PLA2G6: variants seen among roughly 807,000 people sequenced by gnomAD.
PLA2G6 encodes 85/88 kDa calcium-independent phospholipase A2.
PLA2G6 carries 62 observed loss-of-function variants against 83.8 expected under a neutral mutation model. The observed-to-expected ratio is 0.74, with a 90% CI of 0.60 to 0.91. PLA2G6 has a LOEUF of 0.91. PLA2G6 is among the 40% of genes least tolerant of loss of function. The pLI is 0.00. For synonymous variants in PLA2G6, 417 were observed against 449.8 expected (o/e 0.93, Z 0.92); for missense variants, 944 against 1,102.0 (o/e 0.86, Z 2.03).
intron 8 of PLA2G6, among the ~76,000 whole-genome samples, chr22:38,129,209 G>T (rs1327041223): frequency 3.3e-5 from 5 of 152,240 alleles, no homozygotes; most frequent in African/African-American, 1.2e-4. Flanking sequence ...TCCCTGAGGT[G>T]GGGGGCGCTG....
intron 4 of PLA2G6, chr22:38,142,600 A>C (rs529493435): frequency 6.7e-4 from 144 of 213,944 alleles, no homozygotes; most frequent in African/African-American, 3.1e-3. Context: ...GAACGCTAAC[A>C]ACAGCTGATC....
intron 2 of PLA2G6, chr22:38,148,263 C>A: frequency 2.1e-6 from 1 of 469,912 alleles, no homozygotes; most frequent in Non-Finnish European, 3.8e-6. Context: ...AGGAGTTTTG[C>A]TGTGGTGAGG....
chr22:38,164,807 C>T (rs565544987), intron 2 of PLA2G6, among the ~76,000 whole-genome samples: 1 of 152,258 alleles, frequency 6.6e-6, no homozygotes, highest in African/African-American at 2.4e-5. Context: ...GGAGGAAGAT[C>T]GTTTAGAAGG....
At chr22:38,131,726 C>G (rs998010212) in intron 7 of PLA2G6, 15 of 159,648 alleles carry the variant, frequency 9.4e-5, no homozygotes, top group African/African-American at 3.1e-4. Flanking sequence ...TTTAGAGTCC[C>G]GGGGGTCTCT....
chr22:38,149,926 C>T (rs1186540524), intron 2 of PLA2G6: 5 of 150,992 alleles, frequency 3.3e-5, no homozygotes, highest in Non-Finnish European at 7.4e-5. Flanking sequence ...AAGAGTGAAA[C>T]TCCATCTCTG....
At chr22:38,173,505 ACCAATTTT>A (rs2090514819) in intron 1 of PLA2G6, among the ~76,000 whole-genome samples, 1 of 152,044 alleles carries the variant, frequency 6.6e-6, no homozygotes, top group Non-Finnish European at 1.5e-5. Context: ...ATTTCCAGGT[ACCAATTTT>A]GGTGCCCCTG....
In PLA2G6 at chr22:38,112,814, T is replaced by C. The variant is rs1298522836; in HGVS notation, c.2203-237A>G. 4 of 596,054 alleles carry C rather than the reference T, an allele frequency of 6.7e-6. No homozygotes were observed. The East Asian group carries it at 1.1e-4, about 17-fold the overall frequency. 36.9% of individuals were successfully genotyped at this position (596,054 alleles called of 1,614,324 possible). A position where few individuals can be genotyped will look rare whatever the true frequency, so the allele number is the denominator to read the frequency against. On this transcript the variant is annotated intron_variant, in intron 15 of 16. Transcript: ENST00000332509. ...CTCAGCAGTGCCCTTTCAGGGATGATGAGTGGGGGAAAGGGTAGCGGCTGA... is the reference window on the plus strand; with the variant it reads ...CTCAGCAGTGCCCTTTCAGGGATGACGAGTGGGGGAAAGGGTAGCGGCTGA...
chr22:38,129,306 T>C, intron 8 of PLA2G6, 148 bp downstream of exon 8: 1 of 691,724 alleles, frequency 1.4e-6, no homozygotes. Flanking sequence ...GGAAGCCCCC[T>C]CTCTGAGTAC....
In PLA2G6 at chr22:38,123,350, G is replaced by T; in HGVS notation, c.1428-92C>A. ...CATAGCCCTTGTCCCCTGCAGCTGT[G>T]TCCTGGCAGACAGACCCAGACGGAC... is the stretch of plus-strand genomic sequence containing the variant. On this transcript the variant is annotated intron_variant, in intron 10 of 16. Coordinates refer to ENST00000332509, the MANE Select transcript of PLA2G6 (RefSeq NM_003560.4). This position sits in a 1 kb window ranked among gnomAD's most constrained non-coding sequence, Gnocchi z 4.1. The T allele has an allele frequency of 2.2e-6, 3 of 1,365,298 alleles. No individual in the cohort carries two copies. The highest frequency in any genetic ancestry group is 3.0e-6 in the Non-Finnish European group (3 of 984,406). 84.6% of individuals were successfully genotyped at this position (1,365,298 alleles called of 1,614,324 possible).
chr22:38,148,170 G>C, intron 2 of PLA2G6: 1 of 301,020 alleles, frequency 3.3e-6, no homozygotes, highest in Non-Finnish European at 6.4e-6. Flanking sequence ...ACTTTTAGTG[G>C]AATGGAGGGA....
Position 38,112,501 on chromosome 22 carries a change from C to T in PLA2G6, c.2276+3G>A. ...CCAAGGGCTGGGGCGGCTGAGCCCT[C>T]ACCTGAAGTACTGGATGCCGACCAT... On this transcript the variant is annotated splice_donor_region_variant and intron_variant, in intron 16 of 16. Coordinates refer to ENST00000332509, the MANE Select transcript of PLA2G6 (RefSeq NM_003560.4). 1.3e-6 allele frequency: 2 copies of T among 1,553,944 alleles called. No individual in the cohort carries two copies. Among genetic ancestry groups the T allele is most frequent in the Non-Finnish European group, 1.7e-6 (2 of 1,149,742 alleles).
intron 2 of PLA2G6, among the ~76,000 whole-genome samples, chr22:38,155,668 A>C (rs1195304259): frequency 6.6e-6 from 1 of 152,240 alleles, no homozygotes; most frequent in Non-Finnish European, 1.5e-5. Flanking sequence ...CAAATCAAAA[A>C]ACATACAGCA....
rs1336058144 is a variant in PLA2G6 at position 38,123,077 on chromosome 22, C to T, written c.1591+18G>A. ...GGTCTCAGCCCCGCCTGGCCCCATC[C>T]CCAGGGGCCGCCCTCACTGTGCAGA... is the stretch of plus-strand genomic sequence containing the variant. On this transcript the variant is annotated intron_variant, in intron 11 of 16. Transcript: ENST00000332509. This position sits in a 1 kb window ranked among gnomAD's most constrained non-coding sequence, Gnocchi z 4.1. The T allele has an allele frequency of 3.9e-6, 6 of 1,546,430 alleles. No homozygotes were observed. In the Middle Eastern group the frequency reaches 6.9e-4, roughly 177 times the overall value.
At chr22:38,164,345 C>A (rs1030696344) in intron 2 of PLA2G6, among the ~76,000 whole-genome samples, 4 of 152,194 alleles carry the variant, frequency 2.6e-5, no homozygotes, top group Admixed American at 1.3e-4. Flanking sequence ...TCTGAATAAT[C>A]GCTACGCTGA....
chr22:38,116,092 G>A lies in PLA2G6; in HGVS notation c.1862C>T (p.Pro621Leu). The A allele has an allele frequency of 6.2e-7, 1 of 1,614,088 alleles. No homozygotes were observed. Among genetic ancestry groups the A allele is most frequent in the Non-Finnish European group, 8.5e-7 (1 of 1,179,990 alleles). ...PRFNQNVNLR[P>L]PAQPSDQLVW... ...GTTTAAACCTGAGGGCTGAGCTGGAGGCCTGAGGTTAACGTTCTGGTTGAA... is the reference window on the plus strand; with the variant it reads ...GTTTAAACCTGAGGGCTGAGCTGGAAGCCTGAGGTTAACGTTCTGGTTGAA... The change falls in exon 13 of 17, where the codon CCT becomes CTT. Residue 621 changes from proline (P) to leucine (L), a missense_variant. Transcript: ENST00000332509.
chr22:38,140,136 G>T lies in PLA2G6; in HGVS notation c.643C>A (p.Gln215Lys). The T allele has an allele frequency of 6.2e-7, 1 of 1,614,122 alleles. No individual in the cohort carries two copies. The highest frequency in any genetic ancestry group is 8.5e-7 in the Non-Finnish European group (1 of 1,180,026). Residue 215 changes from glutamine to lysine, a missense_variant, in exon 5 of 17, where the codon CAG becomes AAG. Coordinates refer to ENST00000332509, the MANE Select transcript of PLA2G6 (RefSeq NM_003560.4). ...GGGGTCAGCCCTTGGTTATTCACCT[G>T]GTTCAGGCCAGCCACTGCGTTCCTT... ...LGRNAVAGLNQVNNQGLTPLH... is the reference protein window; with the variant it reads ...LGRNAVAGLNKVNNQGLTPLH...
At chr22:38,179,673 C>T (rs2090770491) in intron 1 of PLA2G6, among the ~76,000 whole-genome samples, 1 of 152,218 alleles carries the variant, frequency 6.6e-6, no homozygotes, top group African/African-American at 2.4e-5. Flanking sequence ...ATCCCAGCTA[C>T]TTGGGAGGCT....
At chr22:38,137,120 G>A (rs948276753) in intron 5 of PLA2G6, 5 of 152,268 alleles carry the variant, frequency 3.3e-5, no homozygotes, top group Non-Finnish European at 7.3e-5. Context: ...CCGGTGGCTG[G>A]GACAGCGTTA....
At chr22:38,145,691 G>A (rs1207201748) in intron 2 of PLA2G6, 38 bp from the exon 3 acceptor site, 1 of 1,447,220 alleles carries the variant, frequency 6.9e-7, no homozygotes, top group Non-Finnish European at 9.6e-7. Flanking sequence ...CCCGAAATGA[G>A]TAAGGCGGGA....
Sources: gnomAD v4.1 joint callset for allele counts (sites outside exome capture counted in the v4.1 genomes callset) on GRCh38, gnomAD v4.1.1 for gene constraint, Gnocchi (gnomAD v3.1) non-coding constraint, MANE v1.5 for transcripts, NCBI Gene and HGNC (gene_info 2026-07-23, HGNC 2026-07-21) for gene names.